The following FBXO34 variants were observed in gnomAD, a reference collection of about 807,000 sequenced individuals.
FBXO34 encodes the protein F-box protein 34, also known as F-box only protein 34.
Under a neutral mutation model 24.5 loss-of-function variants are expected in FBXO34, and 12 were observed. The observed-to-expected ratio is 0.49, with a 90% CI of 0.31 to 0.79. FBXO34 has a LOEUF of 0.79. Ranked by LOEUF, FBXO34 falls within the 30% of genes least tolerant of loss-of-function variation. The pLI is 0.04. For synonymous variants in FBXO34, 320 were observed against 311.9 expected (o/e 1.03, Z -0.27); for missense variants, 823 against 857.7 (o/e 0.96, Z 0.51).
chr14:55,424,273 A>C, the FBXO34 span: 1 of 1,520,198 alleles, frequency 6.6e-7, no homozygotes, highest in African/African-American at 1.4e-5. Flanking sequence ...TGTAAAAGGA[A>C]AATGTTAAAA....
intron 1 of FBXO34, among the ~76,000 whole-genome samples, chr14:55,296,382 GTTT>G (rs1285557004): frequency 1.0e-5 from 1 of 95,784 alleles, no homozygotes; most frequent in African/African-American, 3.8e-5. Flanking sequence ...CTGTTCTTGT[GTTT>G]TTTTTGTTTT....
intron 1 of FBXO34, chr14:55,298,724 G>A: frequency 2.5e-6 from 4 of 1,571,234 alleles, no homozygotes; most frequent in Non-Finnish European, 3.5e-6. Context: ...GGGACACGGA[G>A]GAGATGTTAA....
At chr14:55,304,092 A>G (rs1171774890) in intron 1 of FBXO34, among the ~76,000 whole-genome samples, 1 of 152,204 alleles carries the variant, frequency 6.6e-6, no homozygotes, top group Non-Finnish European at 1.5e-5. Context: ...AAAGTGATGA[A>G]ATTGTTTAGT....
chr14:55,282,289 C>T (rs186734291), intron 1 of FBXO34: 18 of 427,466 alleles, frequency 4.2e-5, no homozygotes, highest in Middle Eastern at 7.9e-4. Context: ...CACCGCGCCC[C>T]GCCAAATTTA....
At chr14:55,405,866 G>A in the FBXO34 span, among the ~76,000 whole-genome samples, 1 of 151,478 alleles carries the variant, frequency 6.6e-6, no homozygotes, top group Admixed American at 6.6e-5. Flanking sequence ...CTGAAGCCTG[G>A]GTCTCCCCTG....
the FBXO34 span, among the ~76,000 whole-genome samples, chr14:55,380,109 G>A: frequency 0.032 from 4,848 of 152,112 alleles, 248 homozygotes; most frequent in African/African-American, 0.11. Flanking sequence ...TTAGCCAGGC[G>A]TGGTCGTGGG....
the FBXO34 span, among the ~76,000 whole-genome samples, chr14:55,403,641 G>C: frequency 2.0e-5 from 3 of 151,970 alleles, no homozygotes; most frequent in Non-Finnish European, 4.4e-5. Flanking sequence ...GTACCGGCAT[G>C]AAAAGACGTT....
chr14:55,302,891 G>A (rs963064868), intron 1 of FBXO34, among the ~76,000 whole-genome samples: 1 of 152,320 alleles, frequency 6.6e-6, no homozygotes, highest in African/African-American at 2.4e-5. Context: ...CTTGCCTTTG[G>A]TTTGAACTAG....
rs752198156 is a variant in FBXO34, at chr14:55,351,980, A to G, written c.1590A>G (p.Pro530=). 3.1e-6 allele frequency: 5 copies of G among 1,614,176 alleles called. No individual in the cohort carries two copies. The South Asian group carries it at 3.3e-5, about 11-fold the overall frequency. ...ASEEKSGSAE[P]FVLPASSVES... ...AGGAAAAAAGTGGGTCTGCTGAGCC[A>G]TTTGTACTGCCAGCCTCTTCTGTGG... The change falls in exon 2 of 2, where the codon CCA becomes CCG. Residue 530 remains proline (P), a synonymous_variant. Transcript: ENST00000313833.
rs1197039211 is a variant in FBXO34, at chr14:55,331,693, A to ATATATATATATG, written c.-10-18650_-10-18639dup. On this transcript the variant is annotated intron_variant, in intron 1 of 1. Coordinates refer to ENST00000313833, the MANE Select transcript of FBXO34 (RefSeq NM_017943.4). ...TGTGTATATATATATATGTGTATAT[A>ATATATATATATG]TATATATATATGTATATATATATGT... is the stretch of plus-strand genomic sequence containing the variant. 6.9e-4 allele frequency among the ~76,000 whole-genome samples: 46 copies of ATATATATATATG among 66,538 alleles called. 9 individuals are homozygous for ATATATATATATG. Among genetic ancestry groups the ATATATATATATG allele is most frequent in the East Asian group, 2.0e-3 (5 of 2,530 alleles). The allele number at this position is 66,538 out of a possible 152,430, so 43.7% of individuals were successfully genotyped here.
At chr14:55,305,434 T>C (rs919590905) in intron 1 of FBXO34, among the ~76,000 whole-genome samples, 3 of 150,050 alleles carry the variant, frequency 2.0e-5, no homozygotes, top group African/African-American at 7.4e-5. Flanking sequence ...AAAAAAAGTC[T>C]TAGTCCGGGT....
At chr14:55,284,621 CT>C (rs60464365) in intron 1 of FBXO34, among the ~76,000 whole-genome samples, 49,527 of 126,082 alleles carry the variant, frequency 0.39, 9,295 homozygotes, top group African/African-American at 0.52. Flanking sequence ...AATTTTGTTA[CT>C]TTTTTTTTTT....
chr14:55,390,854 C>T, the FBXO34 span: 1 of 1,220,016 alleles, frequency 8.2e-7, no homozygotes, highest in Middle Eastern at 1.9e-4. Flanking sequence ...TTATTAATCC[C>T]ATGAAATTCC....
intron 1 of FBXO34, among the ~76,000 whole-genome samples, chr14:55,298,310 G>A (rs1882211522): frequency 6.6e-6 from 1 of 151,748 alleles, no homozygotes; most frequent in Admixed American, 6.6e-5. Context: ...CCAAAAGATT[G>A]GACACCCCTG....
At chr14:55,324,830 A>C (rs1883287130) in intron 1 of FBXO34, among the ~76,000 whole-genome samples, 1 of 152,186 alleles carries the variant, frequency 6.6e-6, no homozygotes, top group Non-Finnish European at 1.5e-5. Context: ...ATAGAACACC[A>C]TACACTGGGT....
chr14:55,422,306 C>T, the FBXO34 span, among the ~76,000 whole-genome samples: 24 of 152,246 alleles, frequency 1.6e-4, no homozygotes, highest in African/African-American at 4.8e-4. Context: ...AAGTAGACTA[C>T]GCGATCTCAG....
At chr14:55,344,779 T>G (rs1884105490) in intron 1 of FBXO34, among the ~76,000 whole-genome samples, 2 of 151,922 alleles carry the variant, frequency 1.3e-5, no homozygotes, top group African/African-American at 4.8e-5. Context: ...TATCCATGTG[T>G]TCTCATTGTT....
At chr14:55,311,868 CA>C (rs1882753548) in intron 1 of FBXO34, among the ~76,000 whole-genome samples, 2 of 151,564 alleles carry the variant, frequency 1.3e-5, no homozygotes, top group African/African-American at 4.8e-5. Context: ...GCTGAGATTA[CA>C]GGTGCCCACC....
At chr14:55,437,216 C>A in the FBXO34 span, among the ~76,000 whole-genome samples, 2 of 152,336 alleles carry the variant, frequency 1.3e-5, no homozygotes, top group African/African-American at 2.4e-5. Context: ...GTAGCTCACG[C>A]CTGTAATCCC....
Sources: gnomAD v4.1 joint callset for allele counts (sites outside exome capture counted in the v4.1 genomes callset) on GRCh38, gnomAD v4.1.1 for gene constraint, MANE v1.5 for transcripts, NCBI Gene and HGNC (gene_info 2026-07-23, HGNC 2026-07-21) for gene names.